COL4A1: variants seen among roughly 807,000 people sequenced by gnomAD.
The protein encoded by COL4A1 is collagen type IV alpha 1 chain, also known as collagen alpha-1(IV) chain.
Under a neutral mutation model 216.6 loss-of-function variants are expected in COL4A1, and 40 were observed. That is an observed-to-expected ratio of 0.18 (90% CI 0.14 to 0.24). The LOEUF is 0.24. Ranked by LOEUF, COL4A1 falls within the 10% of genes least tolerant of loss-of-function variation. COL4A1 has a pLI of 1.00. For synonymous variants in COL4A1, 839 were observed against 810.7 expected (o/e 1.03, Z -0.59); for missense variants, 1,628 against 2,196.8 (o/e 0.74, Z 5.18).
chr13:110,205,050 T>C (rs1712589865), intron 17 of COL4A1, among the ~76,000 whole-genome samples: 1 of 152,208 alleles, frequency 6.6e-6, no homozygotes, highest in Non-Finnish European at 1.5e-5. Context: ...CAGAAAAAAT[T>C]AGGTAAGCTT....
At chr13:110,192,312 G>A (rs1266678156) in intron 23 of COL4A1, 28 bp from the exon 24 acceptor site, 1 of 1,603,510 alleles carries the variant, frequency 6.2e-7, no homozygotes, top group African/African-American at 1.3e-5. Context: ...GAAAAAGACA[G>A]CAACACAGCA....
intron 2 of COL4A1, among the ~76,000 whole-genome samples, chr13:110,238,013 A>G (rs1406223395): frequency 2.0e-5 from 3 of 152,240 alleles, no homozygotes; most frequent in Admixed American, 2.0e-4. Flanking sequence ...TTTTAGACAG[A>G]CAGATAGCAA....
chr13:110,150,191 C>A lies in COL4A1; in HGVS notation c.*172G>T. 1 of 689,640 alleles carries A rather than the reference C, an allele frequency of 1.5e-6. No homozygotes were observed. Among genetic ancestry groups the A allele is most frequent in the Non-Finnish European group, 2.6e-6 (1 of 381,264 alleles). 42.7% of individuals were successfully genotyped at this position (689,640 alleles called of 1,614,324 possible). A position where few individuals can be genotyped will look rare whatever the true frequency, so the allele number is the denominator to read the frequency against. Reference sequence around the variant, plus strand: ...TTATCGCTGTCTTTTTCTCCTTCAGCAAGTAGAGGTCAATGAAGCAGGGTG... The same window carrying A: ...TTATCGCTGTCTTTTTCTCCTTCAGAAAGTAGAGGTCAATGAAGCAGGGTG... On this transcript the variant is annotated 3_prime_UTR_variant, in exon 52 of 52. Coordinates refer to ENST00000375820, the MANE Select transcript of COL4A1 (RefSeq NM_001845.6).
In COL4A1 at chr13:110,179,402, A is replaced by T; in HGVS notation, c.2213T>A (p.Leu738Gln). Residue 738 changes from leucine to glutamine, a missense_variant, in exon 30 of 52, where the codon CTA (leucine) becomes CAA (glutamine). Physicochemically the swap from Leu to Gln is moderately radical, Grantham distance 113. Coordinates refer to ENST00000375820, the MANE Select transcript of COL4A1 (RefSeq NM_001845.6). ...QGQKGEPGVG[L>Q]PGLKGLPGLP... is the part of the protein sequence containing the mutation. ...ACCTGGCAAACCTTTGAGTCCCGGT[A>T]GACCAACTCCAGGCTCTCCCTGAAA... 6.2e-7 allele frequency: 1 copy of T among 1,614,184 alleles called. No individual in the cohort carries two copies. The highest frequency in any genetic ancestry group is 8.5e-7 in the Non-Finnish European group (1 of 1,180,028).
At chr13:110,214,651 A>G (rs1431487380) in intron 2 of COL4A1, among the ~76,000 whole-genome samples, 1 of 152,172 alleles carries the variant, frequency 6.6e-6, no homozygotes, top group African/African-American at 2.4e-5. Flanking sequence ...CTGCCCTTGG[A>G]CATCAGAACT....
intron 23 of COL4A1, 67 bp downstream of exon 23, chr13:110,192,763 T>C (rs1878697052): frequency 7.1e-7 from 1 of 1,406,720 alleles, no homozygotes; most frequent in Non-Finnish European, 1.0e-6. Flanking sequence ...TGAAATCCCT[T>C]TCACAGGAAA....
chr13:110,254,908 A>C (rs555462299), intron 1 of COL4A1, among the ~76,000 whole-genome samples: 1 of 152,360 alleles, frequency 6.6e-6, no homozygotes, highest in South Asian at 2.1e-4. Flanking sequence ...TTTAATGAGC[A>C]CTTACTATGT....
intron 1 of COL4A1, among the ~76,000 whole-genome samples, chr13:110,277,228 T>C (rs2139296163): frequency 6.6e-6 from 1 of 152,388 alleles, no homozygotes; most frequent in South Asian, 2.1e-4. Flanking sequence ...TTATTGGATA[T>C]TTCTGTATCA....
intron 44 of COL4A1, among the ~76,000 whole-genome samples, chr13:110,166,795 C>A (rs571692664): frequency 1.3e-3 from 197 of 152,286 alleles, no homozygotes; most frequent in Non-Finnish European, 2.2e-3. Flanking sequence ...CTGTTTTATT[C>A]ACCTTTCACG....
At chr13:110,279,968 C>G (rs1883565702) in intron 1 of COL4A1, among the ~76,000 whole-genome samples, 1 of 152,208 alleles carries the variant, frequency 6.6e-6, no homozygotes, top group Non-Finnish European at 1.5e-5. Context: ...GTCCTGTGAA[C>G]TCCAGTGTCT....
chr13:110,163,982 CTCTTTTTTTTT>C (rs1877209201), intron 46 of COL4A1, among the ~76,000 whole-genome samples: 2 of 99,324 alleles, frequency 2.0e-5, no homozygotes, highest in Non-Finnish European at 4.0e-5. Flanking sequence ...CTTTCTCTCT[CTCTTTTTTTTT>C]TTTTTTTTTT....
At chr13:110,200,429 T>C (rs1256864323) in intron 20 of COL4A1, among the ~76,000 whole-genome samples, 1 of 151,956 alleles carries the variant, frequency 6.6e-6, no homozygotes, top group Non-Finnish European at 1.5e-5. Context: ...TGGAGTCTGA[T>C]CTCCAGCTGG....
At chr13:110,195,945 C>T (rs575768134) in intron 21 of COL4A1, among the ~76,000 whole-genome samples, 3 of 152,260 alleles carry the variant, frequency 2.0e-5, no homozygotes, top group African/African-American at 4.8e-5. Flanking sequence ...CACCTGGACG[C>T]CCTGAGTCCC....
At chr13:110,237,828 C>T (rs1263737813) in intron 2 of COL4A1, among the ~76,000 whole-genome samples, 1 of 152,138 alleles carries the variant, frequency 6.6e-6, no homozygotes, top group Non-Finnish European at 1.5e-5. Context: ...AATATCTAGG[C>T]GCTAAATGGC....
At chr13:110,187,111 ACATT>A (rs1355902399) in intron 25 of COL4A1, 23 bp downstream of exon 25, 3 of 1,612,968 alleles carry the variant, frequency 1.9e-6, no homozygotes, top group Non-Finnish European at 2.5e-6. Flanking sequence ...TGTAAAATGC[ACATT>A]CAAAGTCTGG....
At chr13:110,263,379 C>T (rs936223698) in intron 1 of COL4A1, among the ~76,000 whole-genome samples, 1 of 152,220 alleles carries the variant, frequency 6.6e-6, no homozygotes, top group African/African-American at 2.4e-5. Flanking sequence ...CTAAGATAAA[C>T]TGAGCCCCAC....
chr13:110,213,099 G>A (rs938714234), intron 4 of COL4A1, among the ~76,000 whole-genome samples: 3 of 152,084 alleles, frequency 2.0e-5, no homozygotes, highest in African/African-American at 7.2e-5. Flanking sequence ...TGATACAATG[G>A]ACTTCGGGAC....
intron 20 of COL4A1, among the ~76,000 whole-genome samples, chr13:110,200,187 G>A (rs921604473): frequency 3.9e-5 from 6 of 152,276 alleles, no homozygotes; most frequent in South Asian, 2.1e-4. Flanking sequence ...GACGCTTATC[G>A]GGTCAGCTCT....
At chr13:110,159,879 T>C (rs1876987298) in intron 49 of COL4A1, among the ~76,000 whole-genome samples, 2 of 152,010 alleles carry the variant, frequency 1.3e-5, no homozygotes, top group African/African-American at 4.8e-5. Context: ...ATGATTCCAC[T>C]TACATGAGGT....
Sources: gnomAD v4.1 joint callset for allele counts (sites outside exome capture counted in the v4.1 genomes callset) on GRCh38, gnomAD v4.1.1 for gene constraint, MANE v1.5 for transcripts, NCBI Gene and HGNC (gene_info 2026-07-23, HGNC 2026-07-21) for gene names.